Variants in ADAP1 observed in about 807,000 individuals in gnomAD.
ADAP1 encodes arf-GAP with dual PH domain-containing protein 1.
In ADAP1, 31 loss-of-function variants were observed where a neutral mutation model predicts 54.9. The ratio of observed to expected loss-of-function variants is 0.56; its 90% CI spans 0.42 to 0.76. The LOEUF is 0.76. ADAP1 is among the 30% of genes least tolerant of loss of function. The pLI, the probability that ADAP1 is intolerant of heterozygous loss-of-function variation, is 0.00. For missense variants in ADAP1, 535 were observed against 512.4 expected (o/e 1.04, Z -0.42); for synonymous variants, 313 against 202.6 (o/e 1.55, Z -4.63).
upstream of ADAP1, chr7:955,146 CG>C: frequency 1.5e-6 from 1 of 667,534 alleles, no homozygotes. Flanking sequence ...AGGGCCCAGA[CG>C]GAGCCTCCCC....
At chr7:910,542 C>T (rs558022058) in intron 4 of ADAP1, among the ~76,000 whole-genome samples, 3 of 152,376 alleles carry the variant, frequency 2.0e-5, no homozygotes, top group South Asian at 4.1e-4. Flanking sequence ...AGCCCCACGC[C>T]TGGCCCGAGA....
At chr7:930,696 G>A (rs1157850751) in intron 2 of ADAP1, among the ~76,000 whole-genome samples, 2 of 151,950 alleles carry the variant, frequency 1.3e-5, no homozygotes, top group African/African-American at 4.8e-5. Context: ...GCACACACCT[G>A]TGATCCCAGC....
chr7:934,650 G>A (rs1846691034), intron 2 of ADAP1, among the ~76,000 whole-genome samples: 1 of 152,200 alleles, frequency 6.6e-6, no homozygotes, highest in African/African-American at 2.4e-5. Context: ...CCGGGGTCTT[G>A]TTCCTTCTCC....
At chr7:905,635 G>GAGAAAGGAGAAGGAGAAAGGAGAAGGA (rs370672323) in intron 4 of ADAP1, 1 of 29,344 alleles carries the variant, frequency 3.4e-5, no homozygotes. Flanking sequence ...AAGGAGAAAG[G>GAGAAAGGAGAAGGAGAAAGGAGAAGGA]GAAAGGAGAA....
In ADAP1 at chr7:916,224, G is replaced by A. The variant is rs904974907; in HGVS notation, c.388+3744C>T. 3.9e-5 allele frequency among the ~76,000 whole-genome samples: 6 copies of A among 152,334 alleles called. No individual in the cohort carries two copies. The South Asian group carries it at 1.2e-3, about 32-fold the overall frequency. On this transcript the variant is annotated intron_variant, in intron 4 of 10. Coordinates refer to ENST00000265846, the MANE Select transcript of ADAP1 (RefSeq NM_006869.4). ...TGTAAAACCCAAACTTGCCAAAGGA[G>A]GTGGCCACCAGGAGGATTGGTGCCA...
chr7:936,781 C>T (rs996651088), intron 1 of ADAP1, among the ~76,000 whole-genome samples: 3 of 152,212 alleles, frequency 2.0e-5, no homozygotes, highest in Non-Finnish European at 2.9e-5. Flanking sequence ...GAAATCGAGG[C>T]GCTTCCCCAC....
At position 926,875 on chromosome 7, in the gene ADAP1, G is replaced by A. The variant is rs1249310136; in HGVS notation, c.214-231C>T. The A allele has an allele frequency of 1.8e-5, 17 of 930,490 alleles. No individual in the cohort carries two copies. The highest frequency in any genetic ancestry group is 1.8e-4 in the Admixed American group (5 of 28,406). 57.6% of individuals were successfully genotyped at this position (930,490 alleles called of 1,614,324 possible). On this transcript the variant is annotated intron_variant, in intron 2 of 10. Transcript: ENST00000265846. This position sits in a 1 kb window ranked among gnomAD's most constrained non-coding sequence, Gnocchi z 4.6. ...CCAGCGTCCCTAACGACGGGGTCCCGGCAAAGGGGGCCCAGGGGCCAGGCC... is the reference window on the plus strand; with the variant it reads ...CCAGCGTCCCTAACGACGGGGTCCCAGCAAAGGGGGCCCAGGGGCCAGGCC...
rs577105123 is a variant in ADAP1 at position 938,140 on chromosome 7, G to A, written c.83-2635C>T. On this transcript the variant is annotated intron_variant, in intron 1 of 10. Transcript: ENST00000265846. The surrounding 1 kb of genome is among the most constrained non-coding windows in gnomAD (Gnocchi z 4.4). Reference sequence around the variant, plus strand: ...AAAGAATGCGGTTACAGGATCAGCCGTTGTTTGGTTTTGCGGGGTTTTTTT... The same window carrying A: ...AAAGAATGCGGTTACAGGATCAGCCATTGTTTGGTTTTGCGGGGTTTTTTT... Among the ~76,000 whole-genome samples, 5 of 152,276 alleles carry A rather than the reference G, an allele frequency of 3.3e-5. No individual in the cohort carries two copies. Among genetic ancestry groups the A allele is most frequent in the Non-Finnish European group, 5.9e-5 (4 of 68,036 alleles).
At chr7:923,890 G>C (rs1329958025) in intron 3 of ADAP1, among the ~76,000 whole-genome samples, 1 of 152,220 alleles carries the variant, frequency 6.6e-6, no homozygotes, top group Non-Finnish European at 1.5e-5. Flanking sequence ...GGGGCTGGGA[G>C]AATCTTGGTG....
At position 926,760 on chromosome 7, in the gene ADAP1, TCCACCAGC is replaced by T. The variant is rs1846403797; in HGVS notation, c.214-124_214-117del. 1.2e-6 allele frequency: 1 copy of T among 849,954 alleles called. No homozygotes were observed. The highest frequency in any genetic ancestry group is 1.7e-6 in the Non-Finnish European group (1 of 574,208). The allele number at this position is 849,954 out of a possible 1,614,324, so 52.7% of individuals were successfully genotyped here. On this transcript the variant is annotated intron_variant, in intron 2 of 10. Coordinates refer to ENST00000265846, the MANE Select transcript of ADAP1 (RefSeq NM_006869.4). The surrounding 1 kb of genome is among the most constrained non-coding windows in gnomAD (Gnocchi z 4.6). ...CCCGCAGACCCAAGGCTCTGAGGGC[TCCACCAGC>T]ACCAGGACGGGAACGCCACCTCCTC...
Position 938,470 on chromosome 7 carries a change from C to A in ADAP1, c.83-2965G>T, listed in dbSNP as rs565848403. On this transcript the variant is annotated intron_variant, in intron 1 of 10. Transcript: ENST00000265846. This position sits in a 1 kb window ranked among gnomAD's most constrained non-coding sequence, Gnocchi z 4.4. ...GTGTTGGGATTACAGATGTGTGACGCCGTGTCTGGCCTGCAAAGTATTTAG... is the reference window on the plus strand; with the variant it reads ...GTGTTGGGATTACAGATGTGTGACGACGTGTCTGGCCTGCAAAGTATTTAG... Among the ~76,000 whole-genome samples the A allele has an allele frequency of 6.6e-6, 1 of 152,170 alleles. No homozygotes were observed. The highest frequency in any genetic ancestry group is 2.4e-5 in the African/African-American group (1 of 41,428).
intron 4 of ADAP1, among the ~76,000 whole-genome samples, chr7:907,493 G>A (rs940430860): frequency 2.0e-5 from 3 of 152,132 alleles, no homozygotes; most frequent in African/African-American, 7.2e-5. Context: ...AGCTGTGGGA[G>A]AACAAACACG....
In ADAP1 at chr7:899,057, G is replaced by A. The variant is rs2128631955; in HGVS notation, c.1072C>T (p.Pro358Ser). The A allele has an allele frequency of 6.2e-7, 1 of 1,608,586 alleles. No individual in the cohort carries two copies. Among genetic ancestry groups the A allele is most frequent in the South Asian group, 1.1e-5 (1 of 91,084 alleles). The change falls in exon 10 of 11, where the codon CCC (proline) becomes TCC (serine). Residue 358 changes from proline (P) to serine (S), a missense_variant. Coordinates refer to ENST00000265846, the MANE Select transcript of ADAP1 (RefSeq NM_006869.4). ...VAAFQKAVDRPMLPQEYAVEA... is the reference protein window; with the variant it reads ...VAAFQKAVDRSMLPQEYAVEA... Reference sequence around the variant, plus strand: ...CCTGCGTACTCCTGGGGCAGCATGGGCCTGTCCACCGCCTTCTGGAAGGCC... The same window carrying A: ...CCTGCGTACTCCTGGGGCAGCATGGACCTGTCCACCGCCTTCTGGAAGGCC...
intron 4 of ADAP1, among the ~76,000 whole-genome samples, chr7:916,771 T>C (rs12532229): frequency 0.5 from 75,587 of 151,946 alleles, 19,307 homozygotes; most frequent in East Asian, 0.63. Context: ...GGGCAGGAGC[T>C]GCCCTGGAGG....
chr7:914,441 A>G (rs923585341), intron 4 of ADAP1, among the ~76,000 whole-genome samples: 4 of 152,190 alleles, frequency 2.6e-5, no homozygotes, highest in African/African-American at 4.8e-5. Context: ...AGGGGTTGGG[A>G]GGCCCGGGAA....
rs1245916728 is a variant in ADAP1 at position 927,109 on chromosome 7, G to A, written c.214-465C>T. ...CACGGGGGCCTGGAGATGGGCTGGT[G>A]AGCGAGAGACCCAGATGTGGCTAGG... On this transcript the variant is annotated intron_variant, in intron 2 of 10. Transcript: ENST00000265846. The A allele has an allele frequency of 3.1e-6, 4 of 1,304,260 alleles. No homozygotes were observed. In the Admixed American group the frequency reaches 9.2e-5, roughly 30 times the overall value. The allele number at this position is 1,304,260 out of a possible 1,614,324, so 80.8% of individuals were successfully genotyped here. A position where few individuals can be genotyped will look rare whatever the true frequency, so the allele number is the denominator to read the frequency against.
At position 910,314 on chromosome 7, in the gene ADAP1, A is replaced by T. The variant is rs1040661125; in HGVS notation, c.389-5142T>A. ...ACCCAGGCTGGAGTGCAGGGGCACT[A>T]TCACAGCTCACTGCAGCCTTGACCT... On this transcript the variant is annotated intron_variant, in intron 4 of 10. Transcript: ENST00000265846. Among the ~76,000 whole-genome samples, 45 of 151,608 alleles carry T rather than the reference A, an allele frequency of 3.0e-4. 1 individual carries two copies. Among genetic ancestry groups the T allele is most frequent in the African/African-American group, 8.2e-4 (34 of 41,284 alleles).
intron 4 of ADAP1, among the ~76,000 whole-genome samples, chr7:915,377 G>A (rs911638783): frequency 1.3e-4 from 20 of 152,208 alleles, no homozygotes; most frequent in African/African-American, 4.1e-4. Context: ...CAGCCCATGC[G>A]GCCTGGTCTC....
At chr7:919,213 A>G (rs1335858376) in intron 4 of ADAP1, among the ~76,000 whole-genome samples, 1 of 152,230 alleles carries the variant, frequency 6.6e-6, no homozygotes, top group Non-Finnish European at 1.5e-5. Flanking sequence ...CACCTGCAGC[A>G]CAGTGTTGCC....
Sources: allele counts gnomAD v4.1 joint callset (sites outside exome capture counted in the v4.1 genomes callset), GRCh38; gene constraint gnomAD v4.1.1; non-coding constraint Gnocchi (gnomAD v3.1); transcripts MANE v1.5; gene names NCBI Gene and HGNC (gene_info 2026-07-23, HGNC 2026-07-21).